DIS3L2: variants seen among roughly 807,000 people sequenced by gnomAD.
DIS3L2 encodes DIS3 like 3'-5' exoribonuclease 2.
DIS3L2 carries 34 observed loss-of-function variants against 97.5 expected under a neutral mutation model. That is an observed-to-expected ratio of 0.35 (90% CI 0.27 to 0.46). DIS3L2 has a LOEUF of 0.46. Among genes scored for constraint, DIS3L2 ranks in the 20% least tolerant of loss-of-function variants. DIS3L2 has a pLI of 1.00. For synonymous variants in DIS3L2, 435 were observed against 445.2 expected, an observed-to-expected ratio of 0.98 and a Z score of 0.29; for missense variants, 1,038 against 1,146.0, an observed-to-expected ratio of 0.91 and a Z score of 1.36.
intron 13 of DIS3L2, among the ~76,000 whole-genome samples, chr2:232,298,416 TGTAACTAATA>T (rs1694772585): frequency 6.6e-6 from 1 of 152,204 alleles, no homozygotes; most frequent in South Asian, 2.1e-4. Flanking sequence ...AGAAAAGGGT[TGTAACTAATA>T]GATGCTTTTA....
chr2:232,300,128 C>G lies in DIS3L2; in HGVS notation c.1739+9C>G. On this transcript the variant is annotated intron_variant, in intron 14 of 20. Coordinates refer to ENST00000325385, the MANE Select transcript of DIS3L2 (RefSeq NM_152383.5). ...TACCGCGAGAGCAACAAGTAAGCCA[C>G]TCAGTGGGAAAGAGTGTCACTTCAC... 6.2e-7 allele frequency: 1 copy of G among 1,613,034 alleles called. No individual in the cohort carries two copies. The highest frequency in any genetic ancestry group is 8.5e-7 in the Non-Finnish European group (1 of 1,179,072).
chr2:232,221,794 T>TC (rs996723134), intron 10 of DIS3L2, among the ~76,000 whole-genome samples: 7 of 151,912 alleles, frequency 4.6e-5, no homozygotes, highest in African/African-American at 1.4e-4. Flanking sequence ...AGAGTGAAAC[T>TC]CCGTCTCAAA....
chr2:232,203,016 C>T (rs1186885392), intron 9 of DIS3L2, among the ~76,000 whole-genome samples: 1 of 152,222 alleles, frequency 6.6e-6, no homozygotes, highest in African/African-American at 2.4e-5. Context: ...ACCCATCTGG[C>T]TGGGCTCTCT....
chr2:231,989,171 A>G (rs1693510442), intron 1 of DIS3L2, among the ~76,000 whole-genome samples: 1 of 152,190 alleles, frequency 6.6e-6, no homozygotes, highest in Admixed American at 6.5e-5. Flanking sequence ...TCTGTATCAC[A>G]GCATGAAATT....
chr2:232,033,508 G>A (rs918350444), intron 5 of DIS3L2, among the ~76,000 whole-genome samples: 1 of 152,116 alleles, frequency 6.6e-6, no homozygotes, highest in Non-Finnish European at 1.5e-5. Context: ...CCAGTACTAC[G>A]TTGAATAGAG....
intron 8 of DIS3L2, among the ~76,000 whole-genome samples, chr2:232,142,849 C>G (rs1244823746): frequency 6.6e-6 from 1 of 152,120 alleles, no homozygotes; most frequent in African/African-American, 2.4e-5. Context: ...AGTTTGGGCC[C>G]TCGGTATAGT....
intron 14 of DIS3L2, among the ~76,000 whole-genome samples, chr2:232,304,472 A>T (rs971314956): frequency 1.3e-5 from 2 of 152,210 alleles, no homozygotes; most frequent in Non-Finnish European, 2.9e-5. Flanking sequence ...GCACTTTGGC[A>T]GTGGTAGGAA....
intron 9 of DIS3L2, among the ~76,000 whole-genome samples, chr2:232,189,670 C>A (rs1339396717): frequency 6.6e-6 from 1 of 152,050 alleles, no homozygotes; most frequent in East Asian, 1.9e-4. Flanking sequence ...TTTACATGAA[C>A]CTACATATGT....
At chr2:232,343,330 C>G (rs577058185) in intron 13 of DIS3L2, 1 of 1,551,546 alleles carries the variant, frequency 6.4e-7, no homozygotes, top group Non-Finnish European at 8.7e-7. Flanking sequence ...CCAGGAGACA[C>G]GGAAAAGGGC....
In DIS3L2 at chr2:232,167,972, C is replaced by T. The variant is rs989227114; in HGVS notation, c.1124+4340C>T. ...GCTGAGGCAGGAGAATTGCTTGAAC[C>T]CGGAGGCAGAGGTTACAGTGAGCCG... On this transcript the variant is annotated intron_variant, in intron 9 of 20. Transcript: ENST00000325385. 2.6e-5 allele frequency among the ~76,000 whole-genome samples: 4 copies of T among 152,160 alleles called. No individual in the cohort carries two copies. In the East Asian group the frequency reaches 7.7e-4, roughly 29 times the overall value.
chr2:232,265,198 G>A (rs923652636), intron 13 of DIS3L2, among the ~76,000 whole-genome samples: 4 of 152,116 alleles, frequency 2.6e-5, no homozygotes, highest in Admixed American at 6.5e-5. Context: ...CCCACCTCCT[G>A]GTTCTCTGTT....
chr2:232,018,109 G>A (rs1015492224), intron 3 of DIS3L2, among the ~76,000 whole-genome samples: 1 of 152,166 alleles, frequency 6.6e-6, no homozygotes, highest in Non-Finnish European at 1.5e-5. Flanking sequence ...GTTAGAACTT[G>A]AAAGAAAACT....
chr2:232,302,613 T>C (rs1694886533), intron 14 of DIS3L2, among the ~76,000 whole-genome samples: 2 of 150,878 alleles, frequency 1.3e-5, no homozygotes, highest in Non-Finnish European at 2.9e-5. Context: ...CAGCCTGGAG[T>C]GCAATTGCAT....
In DIS3L2 at chr2:232,263,387, G is replaced by T; in HGVS notation, c.1606G>T (p.Ala536Ser). Residue 536 changes from alanine (A) to serine (S), a missense_variant, in exon 13 of 21, where the codon GCC becomes TCC. Physicochemically the swap from Ala to Ser is moderately conservative, Grantham distance 99 (BLOSUM62 1). Around this residue, in one of 3 missense-constraint regions of DIS3L2, gnomAD observed 813 missense variants for 880.1 expected, o/e 0.92. Coordinates refer to ENST00000325385, the MANE Select transcript of DIS3L2 (RefSeq NM_152383.5). ...HQAVLNLHGI[A>S]KQLRQQRFVD... ...GGCCGTCTTGAATCTCCACGGAATT[G>T]CCAAGCAGTTACGCCAGCAGCGCTT... 6.2e-7 allele frequency: 1 copy of T among 1,614,198 alleles called. No individual in the cohort carries two copies. The highest frequency in any genetic ancestry group is 8.5e-7 in the Non-Finnish European group (1 of 1,180,044).
chr2:232,196,870 C>A (rs758406605), intron 9 of DIS3L2, among the ~76,000 whole-genome samples: 10 of 151,792 alleles, frequency 6.6e-5, no homozygotes, highest in Non-Finnish European at 1.3e-4. Context: ...GAGCTGGCAC[C>A]ATTGTAATGC....
chr2:232,193,791 A>G lies in DIS3L2; in HGVS notation c.1125-16535A>G, dbSNP rs140562477. Among the ~76,000 whole-genome samples, 1,194 of 152,286 alleles carry G rather than the reference A, an allele frequency of 7.8e-3. 11 individuals are homozygous for G. The highest frequency in any genetic ancestry group is 0.012 in the Admixed American group (179 of 15,306). On this transcript the variant is annotated intron_variant, in intron 9 of 20. Transcript: ENST00000325385. ...TTAGGTGAAAAACATTCATGGCTCT[A>G]CTAGCCTTTTTTTCCAGTGATTGGA... is the stretch of plus-strand genomic sequence containing the variant.
Position 232,011,592 on chromosome 2 carries a change from G to T in DIS3L2, c.-93-3243G>T, listed in dbSNP as rs147086529. On this transcript the variant is annotated intron_variant, in intron 1 of 20. Coordinates refer to ENST00000325385, the MANE Select transcript of DIS3L2 (RefSeq NM_152383.5). The stretch of plus-strand genomic sequence containing the variant: ...GGTCTCGAACTCCCGAACACAGGTG[G>T]TCTGCCCGCCTTGGCCTCCCAAAGT... Among the ~76,000 whole-genome samples the T allele has an allele frequency of 8.6e-3, 1,301 of 152,152 alleles. 22 individuals carry two copies. Among genetic ancestry groups the T allele is most frequent in the African/African-American group, 0.03 (1,248 of 41,522 alleles).
At chr2:232,040,999 G>A (rs1283331803) in intron 5 of DIS3L2, among the ~76,000 whole-genome samples, 1 of 152,194 alleles carries the variant, frequency 6.6e-6, no homozygotes, top group Non-Finnish European at 1.5e-5. Context: ...ATCTTAAGTT[G>A]CCATCATGGA....
intron 5 of DIS3L2, among the ~76,000 whole-genome samples, chr2:232,050,257 A>G (rs1695361815): frequency 6.6e-6 from 1 of 151,484 alleles, no homozygotes; most frequent in Non-Finnish European, 1.5e-5. Context: ...TCTTTTCTCC[A>G]CTTAGTTGTA....
Sources: gnomAD v4.1 joint callset for allele counts (sites outside exome capture counted in the v4.1 genomes callset) on GRCh38, gnomAD v4.1.1 for gene constraint, gnomAD v4.1.1 regional missense constraint, MANE v1.5 for transcripts, NCBI Gene and HGNC (gene_info 2026-07-23, HGNC 2026-07-21) for gene names.